FRMD4A: variants seen among roughly 807,000 people sequenced by gnomAD.
FRMD4A encodes the protein FERM domain containing 4A.
Under a neutral mutation model 129.1 loss-of-function variants are expected in FRMD4A, and 29 were observed. The ratio of observed to expected loss-of-function variants is 0.22; its 90% CI spans 0.17 to 0.31. FRMD4A has a LOEUF of 0.31. Among genes scored for constraint, FRMD4A ranks in the 10% least tolerant of loss-of-function variants. The probability of loss-of-function intolerance (pLI) is 1.00; values close to 1 mark genes in which losing one functional copy is unlikely to be tolerated. For synonymous variants in FRMD4A, 634 were observed against 571.6 expected (o/e 1.11, Z -1.56); for missense variants, 1,272 against 1,375.8 (o/e 0.92, Z 1.19).
At chr10:14,129,303 CAAAA>C (rs11370729) in intron 2 of FRMD4A, among the ~76,000 whole-genome samples, 11 of 139,058 alleles carry the variant, frequency 7.9e-5, no homozygotes, top group Admixed American at 1.5e-4. Flanking sequence ...AACAATGAAA[CAAAA>C]AAATCGCTCT....
At chr10:14,172,383 T>C (rs1369033628) in intron 2 of FRMD4A, among the ~76,000 whole-genome samples, 1 of 152,150 alleles carries the variant, frequency 6.6e-6, no homozygotes, top group Non-Finnish European at 1.5e-5. Flanking sequence ...ATAAATATAA[T>C]ATGTGAGCAG....
chr10:14,272,647 G>A (rs1470416337), intron 2 of FRMD4A, among the ~76,000 whole-genome samples: 1 of 152,164 alleles, frequency 6.6e-6, no homozygotes, highest in Non-Finnish European at 1.5e-5. Context: ...TCTGCAGGCT[G>A]TACAGGAAGC....
At chr10:13,701,683 T>G (rs2086847726) in intron 13 of FRMD4A, among the ~76,000 whole-genome samples, 2 of 152,216 alleles carry the variant, frequency 1.3e-5, no homozygotes, top group Admixed American at 1.3e-4. Context: ...GGCCACCTTC[T>G]GATTTTCTGA....
At chr10:13,785,807 T>C (rs541163028) in intron 5 of FRMD4A, among the ~76,000 whole-genome samples, 5 of 151,400 alleles carry the variant, frequency 3.3e-5, no homozygotes, top group South Asian at 4.2e-4. Flanking sequence ...GTATGTGATG[T>C]TCCCCACCCT....
intron 2 of FRMD4A, among the ~76,000 whole-genome samples, chr10:13,886,238 T>TC (rs397712802): frequency 2.0e-5 from 3 of 151,170 alleles, no homozygotes; most frequent in African/African-American, 7.3e-5. Flanking sequence ...TTGTTTTTTT[T>TC]CCCATGCGTT....
intron 2 of FRMD4A, among the ~76,000 whole-genome samples, chr10:14,217,893 C>G (rs73601232): frequency 0.095 from 14,470 of 151,914 alleles, 1,511 homozygotes; most frequent in African/African-American, 0.26. Flanking sequence ...TGCAGTGGCA[C>G]TATCTCAGCT....
chr10:13,972,733 T>C lies in FRMD4A; in HGVS notation c.46-113821A>G, dbSNP rs2095525407. Among the ~76,000 whole-genome samples, 6 of 152,306 alleles carry C rather than the reference T, an allele frequency of 3.9e-5. No homozygotes were observed. In the South Asian group the frequency reaches 1.2e-3, roughly 32 times the overall value. On this transcript the variant is annotated intron_variant, in intron 2 of 24. Coordinates refer to ENST00000357447, the MANE Select transcript of FRMD4A (RefSeq NM_018027.5). ...GCATCTGCATCCTAATTCAATAAAT[T>C]ACATACCAAAAGGTGAGATTCCAAA...
At chr10:14,213,520 G>T (rs569697597) in intron 2 of FRMD4A, among the ~76,000 whole-genome samples, 1 of 152,306 alleles carries the variant, frequency 6.6e-6, no homozygotes, top group African/African-American at 2.4e-5. Context: ...CACCACCAAA[G>T]ATTCTCAAAG....
intron 2 of FRMD4A, among the ~76,000 whole-genome samples, chr10:14,004,016 G>C (rs1442407986): frequency 6.6e-6 from 1 of 152,218 alleles, no homozygotes; most frequent in Admixed American, 6.5e-5. Flanking sequence ...TTAGAAGGAA[G>C]AGACCATACA....
chr10:14,320,886 C>A (rs1843019475), intron 2 of FRMD4A, among the ~76,000 whole-genome samples: 1 of 152,230 alleles, frequency 6.6e-6, no homozygotes, highest in African/African-American at 2.4e-5. Flanking sequence ...CCATCCATGA[C>A]TTTTCACCCT....
intron 8 of FRMD4A, among the ~76,000 whole-genome samples, chr10:13,753,424 G>T (rs1159665043): frequency 6.6e-6 from 1 of 152,108 alleles, no homozygotes; most frequent in Non-Finnish European, 1.5e-5. Context: ...GCCCCAGGAG[G>T]TTTTTCCAGC....
At chr10:13,673,257 G>C (rs1364407141) in intron 16 of FRMD4A, among the ~76,000 whole-genome samples, 5 of 152,178 alleles carry the variant, frequency 3.3e-5, no homozygotes, top group Non-Finnish European at 5.9e-5. Context: ...GCTTTCCTAA[G>C]ATTTGCAATG....
chr10:14,032,581 T>TG (rs1833298177), intron 2 of FRMD4A, among the ~76,000 whole-genome samples: 1 of 152,220 alleles, frequency 6.6e-6, no homozygotes, highest in Admixed American at 6.5e-5. Flanking sequence ...TGTTGCTGCC[T>TG]GGGAACTACG....
chr10:13,715,400 C>T (rs2088680358), intron 12 of FRMD4A, among the ~76,000 whole-genome samples: 1 of 152,220 alleles, frequency 6.6e-6, no homozygotes, highest in Middle Eastern at 3.4e-3. Context: ...CGATGGGAGA[C>T]AATATAGAAT....
chr10:13,681,811 G>A (rs1420181253), intron 15 of FRMD4A, among the ~76,000 whole-genome samples: 1 of 152,146 alleles, frequency 6.6e-6, no homozygotes, highest in African/African-American at 2.4e-5. Context: ...TGTAAAATGG[G>A]AATGAAAACA....
At chr10:14,276,554 C>A (rs1027673802) in intron 2 of FRMD4A, among the ~76,000 whole-genome samples, 4 of 152,224 alleles carry the variant, frequency 2.6e-5, no homozygotes, top group Non-Finnish European at 2.9e-5. Flanking sequence ...TTTTAAGGTA[C>A]AATTTGCCAC....
chr10:13,912,730 C>G (rs997030708), intron 2 of FRMD4A, among the ~76,000 whole-genome samples: 32 of 151,942 alleles, frequency 2.1e-4, no homozygotes, highest in Middle Eastern at 3.4e-3. Context: ...GGGGTTTCAC[C>G]GTGTTAGCCA....
chr10:13,836,834 T>A (rs2093883080), intron 3 of FRMD4A, among the ~76,000 whole-genome samples: 2 of 145,808 alleles, frequency 1.4e-5, no homozygotes, highest in Admixed American at 7.1e-5. Flanking sequence ...CTGGGCTCAC[T>A]GCAAGCTCTG....
At chr10:14,320,923 A>G (rs1354326306) in intron 2 of FRMD4A, among the ~76,000 whole-genome samples, 2 of 152,218 alleles carry the variant, frequency 1.3e-5, no homozygotes, top group African/African-American at 4.8e-5. Flanking sequence ...CTCACCCTTC[A>G]GTTCAAATGC....
Sources: gnomAD v4.1 joint callset for allele counts (sites outside exome capture counted in the v4.1 genomes callset) on GRCh38, gnomAD v4.1.1 for gene constraint, MANE v1.5 for transcripts, NCBI Gene and HGNC (gene_info 2026-07-23, HGNC 2026-07-21) for gene names.